SGK2: variants seen among roughly 807,000 people sequenced by gnomAD.
The protein encoded by SGK2 is serine/threonine-protein kinase Sgk2.
SGK2 carries 36 observed loss-of-function variants against 47.5 expected under a neutral mutation model. That is an observed-to-expected ratio of 0.76 (90% CI 0.58 to 1.00). The LOEUF is 1.00. Ranked by LOEUF, SGK2 falls within the 50% of genes least tolerant of loss-of-function variation. The pLI, the probability that SGK2 is intolerant of heterozygous loss-of-function variation, is 0.00. For synonymous variants in SGK2, 157 were observed against 181.9 expected (o/e 0.86, Z 1.10); for missense variants, 404 against 467.4 (o/e 0.86, Z 1.25).
chr20:43,572,111 A>G lies in SGK2; in HGVS notation c.571A>G (p.Thr191Ala). 6.5e-7 allele frequency: 1 copy of G among 1,549,704 alleles called. No homozygotes were observed. Among genetic ancestry groups the G allele is most frequent in the Non-Finnish European group, 8.7e-7 (1 of 1,145,628 alleles). Residue 191 changes from threonine (T) to alanine (A), a missense_variant, in exon 9 of 13, where the codon ACA becomes GCA. Physicochemically the swap from Thr to Ala is moderately conservative, Grantham distance 58 (BLOSUM62 0). Transcript: ENST00000373100. This position sits in a 1 kb window ranked among gnomAD's most constrained non-coding sequence, Gnocchi z 4.2. ...GGAAGGTGTAGAGCCTGAAGACACC[A>G]CATCCACATTCTGTGGTACCCCTGA... is the stretch of plus-strand genomic sequence containing the variant. ...CKEGVEPEDTTSTFCGTPEYL... is the reference protein window; with the variant it reads ...CKEGVEPEDTASTFCGTPEYL...
intron 9 of SGK2, among the ~76,000 whole-genome samples, chr20:43,573,489 C>A (rs78885394): frequency 6.8e-3 from 756 of 111,092 alleles, no homozygotes; most frequent in East Asian, 9.3e-3. Flanking sequence ...GACTCTGTCT[C>A]AAAAAAAAAA....
In SGK2 at chr20:43,561,527, C is replaced by T. The variant is rs141208071; in HGVS notation, c.-24+2368C>T. 1.9e-3 allele frequency among the ~76,000 whole-genome samples: 285 copies of T among 151,644 alleles called. 5 individuals carry two copies. The highest frequency in any genetic ancestry group is 0.013 in the Admixed American group (197 of 15,174). On this transcript the variant is annotated intron_variant, in intron 1 of 12. Coordinates refer to ENST00000373100, the MANE Select transcript of SGK2 (RefSeq NM_170693.3). ...GCCTCAGCCTCCTGAGTAGCTGGGA[C>T]TACAGGCACATATCACCACGCCCAG...
At chr20:43,576,138 C>T in intron 10 of SGK2, 86 bp from the exon 11 acceptor site, 1 of 1,526,250 alleles carries the variant, frequency 6.6e-7, no homozygotes, top group East Asian at 2.3e-5. Context: ...CTGAATCCTC[C>T]CAGCCGCCCA....
chr20:43,572,316 ACTGCTGAGAC>A lies in SGK2; in HGVS notation c.597+181_597+190del, dbSNP rs1321709599. Among the ~76,000 whole-genome samples the A allele has an allele frequency of 2.0e-5, 3 of 152,182 alleles. No individual in the cohort carries two copies. Among genetic ancestry groups the A allele is most frequent in the Non-Finnish European group, 4.4e-5 (3 of 68,032 alleles). On this transcript the variant is annotated intron_variant, in intron 9 of 12. Transcript: ENST00000373100. This position sits in a 1 kb window ranked among gnomAD's most constrained non-coding sequence, Gnocchi z 4.2. Reference sequence around the variant, plus strand: ...ATGTAATGGGGGTACCAGCTCTAGGACTGCTGAGACCCAGCCAGCTAGCTGCTGGTGAAGC... The same window carrying A: ...ATGTAATGGGGGTACCAGCTCTAGGACCAGCCAGCTAGCTGCTGGTGAAGC...
At chr20:43,575,041 C>A in intron 10 of SGK2, 37 bp downstream of exon 10, 1 of 1,419,908 alleles carries the variant, frequency 7.0e-7, no homozygotes, top group Non-Finnish European at 9.9e-7. Context: ...GGCCATCTGG[C>A]TAGGGATGGG....
intron 12 of SGK2, among the ~76,000 whole-genome samples, chr20:43,584,463 A>T (rs116385795): frequency 6.6e-6 from 1 of 152,072 alleles, no homozygotes; most frequent in Non-Finnish European, 1.5e-5. Context: ...TCTCTTCTTC[A>T]TAGGACCTAT....
intron 12 of SGK2, among the ~76,000 whole-genome samples, chr20:43,582,158 CTA>C (rs1568679278): frequency 6.6e-6 from 1 of 151,374 alleles, no homozygotes; most frequent in East Asian, 2.0e-4. Flanking sequence ...AGCCATCCTC[CTA>C]CCTCAGCCTC....
rs1319233872 is a variant in SGK2 at position 43,583,328 on chromosome 20, C to T, written c.940-1524C>T. ...GAATGGACTTTAGAATGAGACACTC[C>T]GGAGCTGGATTCCTGGTTTTGTCAC... is the stretch of plus-strand genomic sequence containing the variant. On this transcript the variant is annotated intron_variant, in intron 12 of 12. Transcript: ENST00000373100. 9.4e-6 allele frequency: 12 copies of T among 1,283,386 alleles called. No homozygotes were observed. In the Admixed American group the frequency reaches 9.5e-5, roughly 10 times the overall value. The allele number at this position is 1,283,386 out of a possible 1,614,324, so 79.5% of individuals were successfully genotyped here. A position where few individuals can be genotyped will look rare whatever the true frequency, so the allele number is the denominator to read the frequency against.
intron 9 of SGK2, among the ~76,000 whole-genome samples, chr20:43,574,302 G>C (rs1980337238): frequency 6.6e-6 from 1 of 152,136 alleles, no homozygotes; most frequent in Non-Finnish European, 1.5e-5. Context: ...ATAGAGACAT[G>C]GTGTACATTT....
rs74805266 is a variant in SGK2 at position 43,570,131 on chromosome 20, C to G, written c.361-486C>G. Among the ~76,000 whole-genome samples the G allele has an allele frequency of 4.6e-4, 70 of 152,276 alleles. No individual in the cohort carries two copies. The East Asian group carries it at 0.013, about 28-fold the overall frequency. Reference sequence around the variant, plus strand: ...CAGCAAAATAGTCCAAAAACATTGGCCCATGGGTGGATCTAACCTGAGCTC... The same window carrying G: ...CAGCAAAATAGTCCAAAAACATTGGGCCATGGGTGGATCTAACCTGAGCTC... On this transcript the variant is annotated intron_variant, in intron 6 of 12. Transcript: ENST00000373100.
At chr20:43,559,668 A>G (rs191390123) in intron 1 of SGK2, among the ~76,000 whole-genome samples, 3 of 152,308 alleles carry the variant, frequency 2.0e-5, no homozygotes, top group African/African-American at 7.2e-5. Context: ...TACAGTGAAG[A>G]CAGGGACAGC....
At chr20:43,567,527 G>C in intron 3 of SGK2, 138 bp from the exon 4 acceptor site, 1 of 744,116 alleles carries the variant, frequency 1.3e-6, no homozygotes, top group South Asian at 1.7e-5. Context: ...GGGGTTCTTC[G>C]GGGGTGAGGA....
At chr20:43,564,262 C>T (rs1415060306) in intron 1 of SGK2, among the ~76,000 whole-genome samples, 3 of 152,220 alleles carry the variant, frequency 2.0e-5, no homozygotes, top group African/African-American at 7.2e-5. Context: ...TTGAGGGGCC[C>T]GCAGGGAAAG....
intron 12 of SGK2, among the ~76,000 whole-genome samples, chr20:43,582,973 A>G (rs561222345): frequency 7.5e-4 from 114 of 152,276 alleles, no homozygotes; most frequent in Middle Eastern, 6.8e-3. Flanking sequence ...TAGTTTTGCA[A>G]TGTTAATTGG....
intron 1 of SGK2, among the ~76,000 whole-genome samples, chr20:43,560,255 T>C (rs139726240): frequency 4.6e-5 from 7 of 152,262 alleles, no homozygotes; most frequent in Non-Finnish European, 8.8e-5. Context: ...TCCTAACACT[T>C]TGGGAGGCCG....
Position 43,578,932 on chromosome 20 carries a change from G to GA in SGK2, c.850-1035dup, listed in dbSNP as rs752875111. 1.3e-3 allele frequency among the ~76,000 whole-genome samples: 197 copies of GA among 151,330 alleles called. 2 individuals carry two copies. The highest frequency in any genetic ancestry group is 1.1e-3 in the Non-Finnish European group (73 of 67,938). ...TTCAAAGGGTACAAAAGAGTATCTA[G>GA]AAAAAGTCCTTCCAGCCACCCAGTT... On this transcript the variant is annotated intron_variant, in intron 11 of 12. Transcript: ENST00000373100.
chr20:43,566,169 C>A, intron 1 of SGK2: 1 of 623,736 alleles, frequency 1.6e-6, no homozygotes, highest in Non-Finnish European at 2.8e-6. Flanking sequence ...GCTACCCTGG[C>A]TCACAGGGGT....
chr20:43,569,610 C>T (rs1979975053), intron 6 of SGK2, 94 bp downstream of exon 6: 6 of 1,437,954 alleles, frequency 4.2e-6, no homozygotes, highest in Non-Finnish European at 5.7e-6. Context: ...CTGGAATGAT[C>T]TCACTTCATC....
At chr20:43,576,100 C>A (rs779815767) in intron 10 of SGK2, 124 bp from the exon 11 acceptor site, 22 of 1,085,096 alleles carry the variant, frequency 2.0e-5, no homozygotes, top group Non-Finnish European at 2.7e-5. Flanking sequence ...GTCTGCCATG[C>A]GAGCCATTGC....
Sources: allele counts gnomAD v4.1 joint callset (sites outside exome capture counted in the v4.1 genomes callset), GRCh38; gene constraint gnomAD v4.1.1; non-coding constraint Gnocchi (gnomAD v3.1); transcripts MANE v1.5; gene names NCBI Gene and HGNC (gene_info 2026-07-23, HGNC 2026-07-21).